The following JPH3 variants were observed in gnomAD, a reference collection of about 807,000 sequenced individuals.
The protein encoded by JPH3 is junctophilin-3.
A neutral mutation model predicts 59.6 loss-of-function variants in JPH3; 11 were observed. The ratio of observed to expected loss-of-function variants is 0.18; its 90% CI spans 0.12 to 0.31. JPH3 has a LOEUF of 0.31. Ranked by LOEUF, JPH3 falls within the 10% of genes least tolerant of loss-of-function variation. The pLI, the probability that JPH3 is intolerant of heterozygous loss-of-function variation, is 1.00. For synonymous variants in JPH3, 673 were observed against 483.6 expected (o/e 1.39, Z -5.14); for missense variants, 1,202 against 1,105.7 (o/e 1.09, Z -1.24).
chr16:87,682,975 T>G (rs2033331528), intron 2 of JPH3, among the ~76,000 whole-genome samples: 1 of 152,274 alleles, frequency 6.6e-6, no homozygotes, highest in Admixed American at 6.5e-5. Context: ...CCTGCAGGAC[T>G]CAGCAGAGGG....
chr16:87,623,508 A>G (rs769148970), intron 1 of JPH3, among the ~76,000 whole-genome samples: 4 of 152,338 alleles, frequency 2.6e-5, no homozygotes, highest in East Asian at 1.9e-4. Flanking sequence ...GGCTTGAGGC[A>G]TCTTCTAGTT....
chr16:87,686,125 G>A (rs903584765), intron 3 of JPH3, among the ~76,000 whole-genome samples: 8 of 152,196 alleles, frequency 5.3e-5, no homozygotes, highest in African/African-American at 1.4e-4. Context: ...CCTGGATCAC[G>A]GCTTCTAACT....
intron 1 of JPH3, among the ~76,000 whole-genome samples, chr16:87,613,226 A>G (rs1160838541): frequency 6.6e-6 from 1 of 150,626 alleles, no homozygotes; most frequent in Non-Finnish European, 1.5e-5. Context: ...CCTCCCGAGT[A>G]GCTGGGACTA....
intron 1 of JPH3, among the ~76,000 whole-genome samples, chr16:87,614,842 T>C (rs1479748706): frequency 9.9e-5 from 11 of 110,636 alleles, no homozygotes; most frequent in South Asian, 3.2e-4. Flanking sequence ...TGTGCGTCCC[T>C]TCCCGGGATA....
intron 3 of JPH3, 80 bp from the exon 4 acceptor site, chr16:87,689,566 C>T (rs890907868): frequency 8.9e-6 from 13 of 1,466,674 alleles, no homozygotes; most frequent in East Asian, 2.5e-5. Flanking sequence ...TTCCCTCTGG[C>T]GCCCTGGCCC....
intron 2 of JPH3, among the ~76,000 whole-genome samples, chr16:87,657,326 G>A (rs1246364292): frequency 6.6e-6 from 1 of 152,218 alleles, no homozygotes; most frequent in Non-Finnish European, 1.5e-5. Context: ...GGACAAATGT[G>A]GCATGTGAAA....
chr16:87,635,344 G>GT (rs1031532102), intron 1 of JPH3, among the ~76,000 whole-genome samples: 8 of 152,190 alleles, frequency 5.3e-5, no homozygotes, highest in Admixed American at 3.9e-4. Flanking sequence ...TTTGGGAAGA[G>GT]TGTCAGCTGA....
chr16:87,613,095 C>CTTTT (rs1190988631), intron 1 of JPH3, among the ~76,000 whole-genome samples: 2 of 128,730 alleles, frequency 1.6e-5, no homozygotes, highest in African/African-American at 6.0e-5. Context: ...CTTTCTTTCT[C>CTTTT]TTTTTTTTTT....
intron 2 of JPH3, among the ~76,000 whole-genome samples, chr16:87,667,732 C>T (rs1441832575): frequency 2.0e-5 from 3 of 152,254 alleles, no homozygotes; most frequent in Non-Finnish European, 4.4e-5. Context: ...CACACTTTTT[C>T]TGTCAAGGAC....
At chr16:87,661,845 C>G (rs553578568) in intron 2 of JPH3, among the ~76,000 whole-genome samples, 67 of 152,340 alleles carry the variant, frequency 4.4e-4, no homozygotes, top group African/African-American at 1.4e-3. Context: ...TCCCCAATTA[C>G]GAAGCCAGGG....
At chr16:87,654,843 CTT>C (rs1185032124) in intron 2 of JPH3, 1 of 152,334 alleles carries the variant, frequency 6.6e-6, no homozygotes, top group Admixed American at 6.5e-5. Context: ...GCTCTGCCCT[CTT>C]CTCACAGGAA....
intron 1 of JPH3, among the ~76,000 whole-genome samples, chr16:87,605,476 C>T (rs912552749): frequency 6.6e-6 from 1 of 152,188 alleles, no homozygotes; most frequent in Non-Finnish European, 1.5e-5. Flanking sequence ...TTTGCCCTCA[C>T]GGAGCTTACA....
Position 87,690,012 on chromosome 16 carries a change from T to G in JPH3, c.1652T>G (p.Leu551Arg), listed in dbSNP as rs1269675443. 3 of 1,521,604 alleles carry G rather than the reference T, an allele frequency of 2.0e-6. No individual in the cohort carries two copies. Among genetic ancestry groups the G allele is most frequent in the Non-Finnish European group, 2.6e-6 (3 of 1,133,694 alleles). The allele number at this position is 1,521,604 out of a possible 1,614,324, so 94.3% of individuals were successfully genotyped here. A position where few individuals can be genotyped will look rare whatever the true frequency, so the allele number is the denominator to read the frequency against. ...CGCAGCGGTGCCCTGCGCGGCGGCC[T>G]GCTCGTGGATGACTTCCGCACCCGA... ...GVRSGALRGG[L>R]LVDDFRTRGS... The change falls in exon 4 of 5, where the codon CTG becomes CGG. Residue 551 changes from leucine to arginine, a missense_variant. Physicochemically the swap from Leu to Arg is moderately radical, Grantham distance 102. Coordinates refer to ENST00000284262, the MANE Select transcript of JPH3 (RefSeq NM_020655.4).
intron 1 of JPH3, among the ~76,000 whole-genome samples, chr16:87,612,709 A>G (rs1256601657): frequency 6.6e-6 from 1 of 152,168 alleles, no homozygotes; most frequent in African/African-American, 2.4e-5. Flanking sequence ...CATGAAATTA[A>G]TATAGTACAT....
In JPH3 at chr16:87,642,534, A is replaced by G. The variant is rs140936322; in HGVS notation, c.383-1724A>G. The stretch of plus-strand genomic sequence containing the variant: ...GTGGGACGAATAAAACCTACGTATC[A>G]GTAAGTCTCGGCCTCCAGGCCTCTG... On this transcript the variant is annotated intron_variant, in intron 1 of 4. Coordinates refer to ENST00000284262, the MANE Select transcript of JPH3 (RefSeq NM_020655.4). 2.0e-3 allele frequency among the ~76,000 whole-genome samples: 303 copies of G among 152,390 alleles called. 1 individual carries two copies. The highest frequency in any genetic ancestry group is 3.6e-3 in the Non-Finnish European group (248 of 68,040).
chr16:87,661,536 A>C (rs1310362501), intron 2 of JPH3, among the ~76,000 whole-genome samples: 1 of 152,212 alleles, frequency 6.6e-6, no homozygotes, highest in African/African-American at 2.4e-5. Context: ...TCGACATTGT[A>C]GGTCACCACC....
At position 87,668,977 on chromosome 16, in the gene JPH3, G is replaced by A. The variant is rs114350271; in HGVS notation, c.1161-15165G>A. Among the ~76,000 whole-genome samples the A allele has an allele frequency of 4.3e-3, 647 of 152,212 alleles. 4 individuals are homozygous for A. The highest frequency in any genetic ancestry group is 0.015 in the African/African-American group (607 of 41,512). On this transcript the variant is annotated intron_variant, in intron 2 of 4. Transcript: ENST00000284262. ...GCTGCACACGCATTACAAACATCTC[G>A]TTAATCTTCTCGGAGGTCCTGCGAG... is the stretch of plus-strand genomic sequence containing the variant.
chr16:87,625,753 G>C (rs1393719170), intron 1 of JPH3, among the ~76,000 whole-genome samples: 1 of 152,196 alleles, frequency 6.6e-6, no homozygotes, highest in Non-Finnish European at 1.5e-5. Flanking sequence ...AGTGACCCAG[G>C]GCTAGCAAAG....
At chr16:87,649,981 G>T (rs1235468025) in intron 2 of JPH3, among the ~76,000 whole-genome samples, 3 of 152,224 alleles carry the variant, frequency 2.0e-5, no homozygotes, top group African/African-American at 7.2e-5. Context: ...GATGCCAAGG[G>T]GTTTTGCAAA....
Sources: gnomAD v4.1 joint callset for allele counts (sites outside exome capture counted in the v4.1 genomes callset) on GRCh38, gnomAD v4.1.1 for gene constraint, MANE v1.5 for transcripts, NCBI Gene and HGNC (gene_info 2026-07-23, HGNC 2026-07-21) for gene names.